Variants in RUBCN observed in about 807,000 individuals in gnomAD.
RUBCN encodes run domain Beclin-1-interacting and cysteine-rich domain-containing protein.
Under a neutral mutation model 113.2 loss-of-function variants are expected in RUBCN, and 74 were observed. The ratio of observed to expected loss-of-function variants is 0.65; its 90% CI spans 0.54 to 0.79. The LOEUF (loss-of-function observed/expected upper bound fraction) is 0.79. RUBCN is among the 30% of genes least tolerant of loss of function. The probability of loss-of-function intolerance (pLI) is 0.00; values close to 1 mark genes in which losing one functional copy is unlikely to be tolerated. For missense variants in RUBCN, 1,109 were observed against 1,251.7 expected, an observed-to-expected ratio of 0.89 and a Z score of 1.72; for synonymous variants, 480 against 490.0, an observed-to-expected ratio of 0.98 and a Z score of 0.27.
In RUBCN at chr3:197,674,930, A is replaced by AGCC; in HGVS notation, c.*85_*87dup. On this transcript the variant is annotated 3_prime_UTR_variant, in exon 20 of 20. Transcript: ENST00000296343. Reference sequence around the variant, plus strand: ...AATTAAAAAAAAAAAAAAAAAAAGAAGCCCCAGGTGGGGCGAGTCCTTCAA... The same window carrying AGCC: ...AATTAAAAAAAAAAAAAAAAAAAGAAGCCGCCCCAGGTGGGGCGAGTCCTTCAA... 9.6e-7 allele frequency: 1 copy of AGCC among 1,043,784 alleles called. No homozygotes were observed. Among genetic ancestry groups the AGCC allele is most frequent in the Non-Finnish European group, 1.3e-6 (1 of 743,516 alleles). The allele number at this position is 1,043,784 out of a possible 1,614,324, so 64.7% of individuals were successfully genotyped here. A position where few individuals can be genotyped will look rare whatever the true frequency, so the allele number is the denominator to read the frequency against.
intron 16 of RUBCN, among the ~76,000 whole-genome samples, chr3:197,677,752 A>G (rs1423902595): frequency 6.7e-6 from 1 of 148,596 alleles, no homozygotes; most frequent in Admixed American, 6.7e-5. Context: ...CTGACTGACA[A>G]CTGGCTTCAG....
At chr3:197,701,274 T>G in intron 6 of RUBCN, 128 bp from the exon 7 acceptor site, 1 of 814,440 alleles carries the variant, frequency 1.2e-6, no homozygotes, top group South Asian at 2.0e-5. Flanking sequence ...AGTACAAAAT[T>G]ATTTAGAAGC....
chr3:197,719,168 A>T (rs1725862628), intron 1 of RUBCN, among the ~76,000 whole-genome samples: 1 of 152,134 alleles, frequency 6.6e-6, no homozygotes. Flanking sequence ...CTGATCTTAC[A>T]AGGTTAACTG....
In RUBCN at chr3:197,715,743, C is replaced by T. The variant is rs146548867; in HGVS notation, c.219+2234G>A. ...TGAGCCACAGTACCTATTAACTACTCGTGTCGTAGCTAACATGAGTTAACT... is the reference window on the plus strand; with the variant it reads ...TGAGCCACAGTACCTATTAACTACTTGTGTCGTAGCTAACATGAGTTAACT... On this transcript the variant is annotated intron_variant, in intron 2 of 19. Coordinates refer to ENST00000296343, the MANE Select transcript of RUBCN (RefSeq NM_014687.4). 2.4e-3 allele frequency among the ~76,000 whole-genome samples: 369 copies of T among 152,310 alleles called. 1 individual carries two copies. Among genetic ancestry groups the T allele is most frequent in the Non-Finnish European group, 3.7e-3 (250 of 68,026 alleles).
At chr3:197,720,779 G>GT (rs1226796022) in intron 1 of RUBCN, among the ~76,000 whole-genome samples, 1 of 152,094 alleles carries the variant, frequency 6.6e-6, no homozygotes, top group Non-Finnish European at 1.5e-5. Flanking sequence ...AGGAGTGCAG[G>GT]TATCGCTTTG....
intron 4 of RUBCN, 136 bp from the exon 5 acceptor site, chr3:197,703,790 G>T: frequency 2.9e-6 from 2 of 690,474 alleles, no homozygotes; most frequent in Admixed American, 2.0e-5. Flanking sequence ...TAGAGGAGAA[G>T]CTGAAGAACG....
At chr3:197,739,051 C>T (rs367804537), upstream of RUBCN, among the ~76,000 whole-genome samples, 875 of 151,820 alleles carry the variant, frequency 5.8e-3, 7 homozygotes, top group South Asian at 0.025. Context: ...AGCGATTCTC[C>T]TGCCTCAGCC....
intron 4 of RUBCN, 127 bp from the exon 5 acceptor site, chr3:197,703,781 AGAG>A: frequency 1.4e-6 from 1 of 704,876 alleles, no homozygotes; most frequent in East Asian, 2.7e-5. Context: ...GAAACAAAGT[AGAG>A]GAGAAGCTGA....
Position 197,703,621 on chromosome 3 carries a change from G to C in RUBCN, c.497C>G (p.Thr166Arg). ...TGCTTCCAGGCACTGCAGCATGGCC[G>C]TGACATGAGCGTCACTTAGCAGGAA... is the stretch of plus-strand genomic sequence containing the variant. Reference protein sequence around the residue: ...AAFLLSDAHVTAMLQCLEAVE... With the variant: ...AAFLLSDAHVRAMLQCLEAVE... The change falls in exon 5 of 20, where the codon ACG (threonine) becomes AGG (arginine). Residue 166 changes from threonine (T) to arginine (R), a missense_variant. This residue lies in a region of RUBCN where 736 missense variants were observed against 779.6 expected (regional missense o/e 0.94). Transcript: ENST00000296343. The C allele has an allele frequency of 2.5e-6, 4 of 1,613,856 alleles. No homozygotes were observed. The highest frequency in any genetic ancestry group is 3.4e-6 in the Non-Finnish European group (4 of 1,179,890).
intron 1 of RUBCN, among the ~76,000 whole-genome samples, chr3:197,733,725 A>G (rs985913151): frequency 3.3e-5 from 5 of 152,220 alleles, no homozygotes; most frequent in Non-Finnish European, 5.9e-5. Context: ...CAGTATGCCT[A>G]TAACAATGAC....
chr3:197,703,026 G>A (rs1397327664), intron 5 of RUBCN, among the ~76,000 whole-genome samples: 1 of 151,136 alleles, frequency 6.6e-6, no homozygotes, highest in Non-Finnish European at 1.5e-5. Flanking sequence ...CCCAGCTTAG[G>A]TCTACTAAGC....
chr3:197,738,601 T>C (rs1431454399), upstream of RUBCN, among the ~76,000 whole-genome samples: 1 of 152,220 alleles, frequency 6.6e-6, no homozygotes, highest in African/African-American at 2.4e-5. Flanking sequence ...TTCTTCTCTT[T>C]TGGAGACGCA....
Position 197,693,757 on chromosome 3 carries a change from C to A in RUBCN, c.1744G>T (p.Asp582Tyr). ...FSSRDSAQLS[D>Y]SGSADEVDEF... ...TCAACCTCATCAGCAGAGCCAGAGTCAGAGAGCTGTGCCGAATCACGTGAG... is the reference window on the plus strand; with the variant it reads ...TCAACCTCATCAGCAGAGCCAGAGTAAGAGAGCTGTGCCGAATCACGTGAG... Residue 582 changes from aspartate to tyrosine, a missense_variant, in exon 11 of 20, where the codon GAC (aspartate) becomes TAC (tyrosine). Asp to Tyr is a radical substitution (Grantham distance 160, BLOSUM62 -3). Transcript: ENST00000296343. 1 of 1,614,078 alleles carries A rather than the reference C, an allele frequency of 6.2e-7. No individual in the cohort carries two copies. The highest frequency in any genetic ancestry group is 1.1e-5 in the South Asian group (1 of 91,072).
At chr3:197,723,720 G>A (rs1015541190) in intron 1 of RUBCN, among the ~76,000 whole-genome samples, 1 of 152,098 alleles carries the variant, frequency 6.6e-6, no homozygotes, top group Non-Finnish European at 1.5e-5. Context: ...AAATTCAACT[G>A]AAGCTCATAC....
chr3:197,674,911 A>G lies in RUBCN; in HGVS notation c.*107T>C, dbSNP rs1216130444. ...AAAAAAAAAAGATGATGATAATTAA[A>G]AAAAAAAAAAAAAAAAGAAGCCCCA... On this transcript the variant is annotated 3_prime_UTR_variant, in exon 20 of 20. Coordinates refer to ENST00000296343, the MANE Select transcript of RUBCN (RefSeq NM_014687.4). 516 of 755,758 alleles carry G rather than the reference A, an allele frequency of 6.8e-4. 1 individual carries two copies. The highest frequency in any genetic ancestry group is 1.6e-3 in the Admixed American group (46 of 28,356). 46.8% of individuals were successfully genotyped at this position (755,758 alleles called of 1,614,324 possible).
intron 2 of RUBCN, among the ~76,000 whole-genome samples, chr3:197,710,235 G>A (rs1437472029): frequency 6.6e-6 from 1 of 151,714 alleles, no homozygotes; most frequent in African/African-American, 2.4e-5. Flanking sequence ...CCTAAGAGAA[G>A]TCATAAAAGA....
rs1398852677 is a variant in RUBCN, at chr3:197,673,075, A to C, written c.*1943T>G. ...TGAATCTGGGACCTAACCCCTAGTTAAACTTGAGTTCTGTGGGGTCATTCT... is the reference window on the plus strand; with the variant it reads ...TGAATCTGGGACCTAACCCCTAGTTCAACTTGAGTTCTGTGGGGTCATTCT... On this transcript the variant is annotated 3_prime_UTR_variant, in exon 20 of 20. Coordinates refer to ENST00000296343, the MANE Select transcript of RUBCN (RefSeq NM_014687.4). 2.0e-5 allele frequency: 3 copies of C among 152,250 alleles called. No individual in the cohort carries two copies. Among genetic ancestry groups the C allele is most frequent in the African/African-American group, 7.2e-5 (3 of 41,462 alleles). The allele number at this position is 152,250 out of a possible 1,614,324, so 9.4% of individuals were successfully genotyped here.
chr3:197,714,007 C>T (rs906728399), intron 2 of RUBCN, among the ~76,000 whole-genome samples: 3 of 151,894 alleles, frequency 2.0e-5, no homozygotes, highest in Non-Finnish European at 2.9e-5. Flanking sequence ...ACCCGGGAGG[C>T]AGAGCTTGCA....
At chr3:197,685,945 G>C (rs958815396) in intron 11 of RUBCN, among the ~76,000 whole-genome samples, 1 of 152,110 alleles carries the variant, frequency 6.6e-6, no homozygotes, top group African/African-American at 2.4e-5. Flanking sequence ...CTTGAGCTAG[G>C]AGCCCTCAGA....
Sources: allele counts gnomAD v4.1 joint callset (sites outside exome capture counted in the v4.1 genomes callset), GRCh38; gene constraint gnomAD v4.1.1; regional missense constraint gnomAD v4.1.1; transcripts MANE v1.5; gene names NCBI Gene and HGNC (gene_info 2026-07-23, HGNC 2026-07-21).